ADGRL4: variants seen among roughly 807,000 people sequenced by gnomAD.
ADGRL4 encodes EGF, latrophilin and seven transmembrane domain containing 1.
ADGRL4 carries 90 observed loss-of-function variants against 74.8 expected under a neutral mutation model. The ratio of observed to expected loss-of-function variants is 1.20; its 90% CI spans 1.02 to 1.43. The LOEUF (loss-of-function observed/expected upper bound fraction) is 1.43. Ranked by LOEUF, ADGRL4 falls within the 40% of genes most tolerant of loss-of-function variation. ADGRL4 has a pLI of 0.00. For missense variants in ADGRL4, 881 were observed against 814.3 expected, an observed-to-expected ratio of 1.08 and a Z score of -1.00; for synonymous variants, 311 against 279.2, an observed-to-expected ratio of 1.11 and a Z score of -1.14.
intron 2 of ADGRL4, among the ~76,000 whole-genome samples, chr1:78,962,203 C>T (rs2100709260): frequency 1.3e-5 from 2 of 152,234 alleles, no homozygotes; most frequent in South Asian, 4.1e-4. Context: ...ATTAAATCAA[C>T]ATTTAATGTG....
chr1:78,974,593 T>C (rs1188660784), intron 2 of ADGRL4, among the ~76,000 whole-genome samples: 1 of 152,182 alleles, frequency 6.6e-6, no homozygotes, highest in African/African-American at 2.4e-5. Context: ...GATTTAGACG[T>C]TGGAGACCAA....
At chr1:78,929,793 A>C (rs891962000) in intron 7 of ADGRL4, among the ~76,000 whole-genome samples, 3 of 151,506 alleles carry the variant, frequency 2.0e-5, no homozygotes, top group African/African-American at 7.4e-5. Flanking sequence ...TAGGATCATT[A>C]AATATAACAA....
At chr1:78,926,747 T>C (rs920480401) in intron 8 of ADGRL4, 139 bp downstream of exon 8, 16 of 617,422 alleles carry the variant, frequency 2.6e-5, no homozygotes, top group African/African-American at 2.2e-4. Context: ...CAAAAATTAG[T>C]TAAAACTACT....
intron 2 of ADGRL4, among the ~76,000 whole-genome samples, chr1:78,963,003 T>A (rs1357613925): frequency 6.6e-6 from 1 of 152,160 alleles, no homozygotes; most frequent in Non-Finnish European, 1.5e-5. Context: ...GCTGAGGAAC[T>A]CTCCACAAAT....
intron 2 of ADGRL4, among the ~76,000 whole-genome samples, chr1:78,956,011 T>C (rs181147035): frequency 1.3e-5 from 2 of 152,192 alleles, no homozygotes; most frequent in Non-Finnish European, 2.9e-5. Flanking sequence ...TATTCTAATA[T>C]GACTTTGAAT....
intron 2 of ADGRL4, among the ~76,000 whole-genome samples, chr1:78,973,087 T>C (rs1459264912): frequency 1.3e-5 from 2 of 152,220 alleles, no homozygotes; most frequent in Non-Finnish European, 2.9e-5. Flanking sequence ...TCCTTTGTTT[T>C]CCTTCCAGTT....
At chr1:78,979,434 A>G (rs1427297872) in intron 2 of ADGRL4, among the ~76,000 whole-genome samples, 1 of 151,966 alleles carries the variant, frequency 6.6e-6, no homozygotes, top group Admixed American at 6.6e-5. Context: ...TAATTTGCCA[A>G]GCCATTAAAC....
At chr1:78,956,728 A>C (rs1264796050) in intron 2 of ADGRL4, among the ~76,000 whole-genome samples, 5 of 152,190 alleles carry the variant, frequency 3.3e-5, no homozygotes, top group Admixed American at 6.6e-5. Flanking sequence ...CTAATGTTTG[A>C]GAAAACAACA....
chr1:78,993,830 C>T (rs1431647525), intron 2 of ADGRL4, among the ~76,000 whole-genome samples: 2 of 152,110 alleles, frequency 1.3e-5, no homozygotes, highest in African/African-American at 4.8e-5. Context: ...GCCTTGGCCT[C>T]CCAAAGTGCT....
rs551840787 is a variant in ADGRL4, at chr1:78,944,939, C to CA, written c.325+1334dup. On this transcript the variant is annotated intron_variant, in intron 3 of 14. Coordinates refer to ENST00000370742, the MANE Select transcript of ADGRL4 (RefSeq NM_022159.4). Reference sequence around the variant, plus strand: ...CAGCACTTTGAGAGGCTGAGGTGGGCAGATTGCCTGAGCTCAGGAGTTCAA... The same window carrying CA: ...CAGCACTTTGAGAGGCTGAGGTGGGCAAGATTGCCTGAGCTCAGGAGTTCAA... Among the ~76,000 whole-genome samples the CA allele has an allele frequency of 7.3e-3, 1,113 of 152,018 alleles. 6 individuals are homozygous for CA. The highest frequency in any genetic ancestry group is 0.01 in the Non-Finnish European group (712 of 67,962).
At chr1:78,978,356 T>G (rs1045140040) in intron 2 of ADGRL4, among the ~76,000 whole-genome samples, 1 of 151,966 alleles carries the variant, frequency 6.6e-6, no homozygotes, top group Non-Finnish European at 1.5e-5. Flanking sequence ...TATTTTTGTT[T>G]TGTAAATGTA....
At chr1:78,911,543 G>A (rs185464124) in intron 12 of ADGRL4, among the ~76,000 whole-genome samples, 7 of 151,674 alleles carry the variant, frequency 4.6e-5, no homozygotes, top group Admixed American at 6.6e-5. Context: ...ACAGACACAC[G>A]TATAATAATC....
chr1:78,890,957 C>G lies in ADGRL4; in HGVS notation c.*197G>C. The G allele has an allele frequency of 1.7e-6, 1 of 579,278 alleles. No homozygotes were observed. The highest frequency in any genetic ancestry group is 2.9e-5 in the East Asian group (1 of 34,182). 35.9% of individuals were successfully genotyped at this position (579,278 alleles called of 1,614,324 possible). ...GACAGAACTATTTCACATAGAAAAA[C>G]ATAGTATATCTATATGATACATAAT... is the stretch of plus-strand genomic sequence containing the variant. On this transcript the variant is annotated 3_prime_UTR_variant, in exon 15 of 15. Transcript: ENST00000370742.
intron 3 of ADGRL4, among the ~76,000 whole-genome samples, chr1:78,940,299 C>G (rs551127430): frequency 6.1e-4 from 93 of 152,054 alleles, no homozygotes; most frequent in African/African-American, 2.1e-3. Context: ...GATTGAATTC[C>G]CTTAAAATTT....
intron 2 of ADGRL4, among the ~76,000 whole-genome samples, chr1:78,970,561 G>A (rs1359095394): frequency 6.6e-6 from 1 of 152,144 alleles, no homozygotes; most frequent in Non-Finnish European, 1.5e-5. Context: ...AAGGACAGAA[G>A]AGGGAAAAAG....
intron 2 of ADGRL4, among the ~76,000 whole-genome samples, chr1:78,971,449 A>G (rs1650164134): frequency 1.3e-5 from 2 of 152,106 alleles, no homozygotes; most frequent in African/African-American, 4.8e-5. Context: ...AGCCATGGGA[A>G]GTTCACACCC....
At chr1:78,893,306 A>G (rs955672842) in intron 12 of ADGRL4, 117 bp from the exon 13 acceptor site, 13 of 702,120 alleles carry the variant, frequency 1.9e-5, no homozygotes, top group Admixed American at 1.6e-4. Flanking sequence ...TGGCATTTAT[A>G]TAGTTCTTTA....
chr1:78,892,758 A>C (rs1648309938), intron 13 of ADGRL4, among the ~76,000 whole-genome samples: 1 of 152,038 alleles, frequency 6.6e-6, no homozygotes, highest in Non-Finnish European at 1.5e-5. Context: ...AAATCATGAC[A>C]ACATGCAAAC....
At chr1:78,943,572 T>G (rs1649536359) in intron 3 of ADGRL4, among the ~76,000 whole-genome samples, 1 of 152,194 alleles carries the variant, frequency 6.6e-6, no homozygotes, top group Non-Finnish European at 1.5e-5. Context: ...CATAGAGATT[T>G]TAATGACTAT....
Sources: allele counts gnomAD v4.1 joint callset (sites outside exome capture counted in the v4.1 genomes callset), GRCh38; gene constraint gnomAD v4.1.1; transcripts MANE v1.5; gene names NCBI Gene and HGNC (gene_info 2026-07-23, HGNC 2026-07-21).